The following MOB3B variants were observed in gnomAD, a reference collection of about 807,000 sequenced individuals.
MOB3B encodes the protein MOB kinase activator-like 2B.
In MOB3B, 7 loss-of-function variants were observed where a neutral mutation model predicts 18.7. The ratio of observed to expected loss-of-function variants is 0.37; its 90% confidence interval spans 0.21 to 0.70. MOB3B has a LOEUF of 0.70. Ranked by LOEUF, MOB3B falls within the 30% of genes least tolerant of loss-of-function variation. The pLI, the probability that MOB3B is intolerant of heterozygous loss-of-function variation, is 0.52. For synonymous variants in MOB3B, 111 were observed against 99.9 expected, an observed-to-expected ratio of 1.11 and a Z score of -0.66; for missense variants, 253 against 281.3, an observed-to-expected ratio of 0.90 and a Z score of 0.72.
At position 27,455,318 on chromosome 9, in the gene MOB3B, A is replaced by G. The variant is rs138589657; in HGVS notation, c.233T>C (p.Ile78Thr). ...GGTCCGCTCGGTGCAGAACTCACAG[A>G]TGGTGCCATAGATGAGGTTGATCCG... is the stretch of plus-strand genomic sequence containing the variant. ...FNRINLIYGT[I>T]CEFCTERTCP... is the part of the protein sequence containing the mutation. The change falls in exon 2 of 4, where the codon ATC becomes ACC. Residue 78 changes from isoleucine (I) to threonine (T), a missense_variant. Transcript: ENST00000262244. 8 of 1,614,146 alleles carry G rather than the reference A, an allele frequency of 5.0e-6. No homozygotes were observed. Among genetic ancestry groups the G allele is most frequent in the Non-Finnish European group, 6.8e-6 (8 of 1,180,022 alleles).
At chr9:27,439,237 C>A (rs1195568508) in intron 2 of MOB3B, among the ~76,000 whole-genome samples, 3 of 152,140 alleles carry the variant, frequency 2.0e-5, no homozygotes, top group African/African-American at 7.2e-5. Context: ...CCTTTATATA[C>A]TGGACTGGAA....
intron 2 of MOB3B, among the ~76,000 whole-genome samples, chr9:27,399,699 A>T (rs953080004): frequency 6.6e-6 from 1 of 152,146 alleles, no homozygotes; most frequent in Non-Finnish European, 1.5e-5. Flanking sequence ...CCAAATTTGT[A>T]TATTCAATCT....
chr9:27,420,055 T>A (rs749730309), intron 2 of MOB3B, among the ~76,000 whole-genome samples: 2 of 151,394 alleles, frequency 1.3e-5, no homozygotes, highest in Non-Finnish European at 2.9e-5. Context: ...TGAAAAAAAA[T>A]GTTCAACATC....
chr9:27,383,010 G>C (rs1036762326), intron 2 of MOB3B, among the ~76,000 whole-genome samples: 3 of 152,206 alleles, frequency 2.0e-5, no homozygotes, highest in African/African-American at 4.8e-5. Context: ...TCATAAGAGA[G>C]AGTTTAGCAG....
chr9:27,443,310 C>T (rs1327564895), intron 2 of MOB3B, among the ~76,000 whole-genome samples: 2 of 152,158 alleles, frequency 1.3e-5, no homozygotes, highest in African/African-American at 4.8e-5. Context: ...ACCAAATATA[C>T]ATCAACTCTC....
At chr9:27,422,321 AC>A (rs1445584028) in intron 2 of MOB3B, among the ~76,000 whole-genome samples, 1 of 152,160 alleles carries the variant, frequency 6.6e-6, no homozygotes, top group African/African-American at 2.4e-5. Flanking sequence ...TCAACAACCC[AC>A]CATTAAATGC....
intron 3 of MOB3B, among the ~76,000 whole-genome samples, chr9:27,343,421 C>G (rs1395076403): frequency 6.7e-6 from 1 of 148,694 alleles, no homozygotes. Flanking sequence ...CACTATTGTC[C>G]TATGACCCTG....
chr9:27,424,610 T>C lies in MOB3B; in HGVS notation c.418+30523A>G, dbSNP rs188830705. ...CAATCATAAACTGCATGGGGACCCA[T>C]GACTACTCAGTCAACATGACTTCTG... On this transcript the variant is annotated intron_variant, in intron 2 of 3. Coordinates refer to ENST00000262244, the MANE Select transcript of MOB3B (RefSeq NM_024761.5). Among the ~76,000 whole-genome samples, 391 of 152,320 alleles carry C rather than the reference T, an allele frequency of 2.6e-3. 1 individual carries two copies. Among genetic ancestry groups the C allele is most frequent in the African/African-American group, 8.8e-3 (366 of 41,580 alleles).
intron 2 of MOB3B, among the ~76,000 whole-genome samples, chr9:27,434,962 A>G (rs1306915998): frequency 6.6e-6 from 1 of 152,196 alleles, no homozygotes; most frequent in Admixed American, 6.5e-5. Context: ...ATTATTTTGA[A>G]AAACTGTAGA....
intron 2 of MOB3B, among the ~76,000 whole-genome samples, chr9:27,394,552 G>A (rs1243934997): frequency 6.6e-6 from 1 of 152,182 alleles, no homozygotes; most frequent in East Asian, 1.9e-4. Context: ...TGGATAAACT[G>A]TGTCCAGAAG....
At chr9:27,503,407 A>G (rs1820016419) in intron 1 of MOB3B, among the ~76,000 whole-genome samples, 1 of 152,222 alleles carries the variant, frequency 6.6e-6, no homozygotes, top group Admixed American at 6.5e-5. Flanking sequence ...TCGCAAATTA[A>G]TAAGTTACCA....
chr9:27,528,696 A>C (rs916313422), intron 1 of MOB3B, among the ~76,000 whole-genome samples: 1 of 152,116 alleles, frequency 6.6e-6, no homozygotes, highest in African/African-American at 2.4e-5. Flanking sequence ...GGAGAAACAA[A>C]AGGCCATTCG....
At chr9:27,373,786 A>G (rs1821453827) in intron 2 of MOB3B, among the ~76,000 whole-genome samples, 2 of 152,220 alleles carry the variant, frequency 1.3e-5, no homozygotes, top group South Asian at 4.1e-4. Context: ...AAAAAAACCA[A>G]CAAACTCTGC....
chr9:27,484,026 C>T (rs1421478581), intron 1 of MOB3B, among the ~76,000 whole-genome samples: 5 of 152,216 alleles, frequency 3.3e-5, no homozygotes, highest in African/African-American at 9.6e-5. Flanking sequence ...GGGCCCATAA[C>T]GAGCTTATGA....
intron 2 of MOB3B, among the ~76,000 whole-genome samples, chr9:27,435,129 G>C (rs1006414486): frequency 1.3e-5 from 2 of 151,930 alleles, no homozygotes; most frequent in Non-Finnish European, 2.9e-5. Context: ...TGAGGAGGGA[G>C]GGAAGGCCTA....
intron 2 of MOB3B, among the ~76,000 whole-genome samples, chr9:27,411,310 C>T (rs1295973472): frequency 1.3e-5 from 2 of 152,244 alleles, no homozygotes; most frequent in East Asian, 3.9e-4. Context: ...TCTCTTCATC[C>T]CACGCAAGGT....
intron 1 of MOB3B, among the ~76,000 whole-genome samples, chr9:27,470,380 C>T (rs1166137299): frequency 3.3e-5 from 5 of 152,226 alleles, no homozygotes; most frequent in Non-Finnish European, 7.4e-5. Context: ...TTTCAGGTTT[C>T]GCTTGATCAA....
intron 3 of MOB3B, among the ~76,000 whole-genome samples, chr9:27,341,885 G>C (rs998130625): frequency 3.3e-5 from 5 of 152,090 alleles, no homozygotes; most frequent in African/African-American, 1.2e-4. Context: ...CTATATCAGG[G>C]ACCAGAAAAT....
intron 2 of MOB3B, among the ~76,000 whole-genome samples, chr9:27,414,488 C>T (rs1292903489): frequency 1.3e-5 from 2 of 152,200 alleles, no homozygotes; most frequent in African/African-American, 2.4e-5. Flanking sequence ...GGATTCCCCA[C>T]ATGAAGTAAG....
Sources: gnomAD v4.1 joint callset for allele counts (sites outside exome capture counted in the v4.1 genomes callset) on GRCh38, gnomAD v4.1.1 for gene constraint, MANE v1.5 for transcripts, NCBI Gene and HGNC (gene_info 2026-07-23, HGNC 2026-07-21) for gene names.